The following CDYL variants were observed in gnomAD, a reference collection of about 807,000 sequenced individuals.
CDYL encodes the protein chromodomain Y-like protein.
Under a neutral mutation model 47.3 loss-of-function variants are expected in CDYL, and 8 were observed. The ratio of observed to expected loss-of-function variants is 0.17; its 90% CI spans 0.10 to 0.31. The LOEUF (loss-of-function observed/expected upper bound fraction) is 0.31. Ranked by LOEUF, CDYL falls within the 10% of genes least tolerant of loss-of-function variation. The pLI is 1.00. For synonymous variants in CDYL, 266 were observed against 265.0 expected, an observed-to-expected ratio of 1.00 and a Z score of -0.04; for missense variants, 471 against 701.4, an observed-to-expected ratio of 0.67 and a Z score of 3.71.
intron 1 of CDYL, among the ~76,000 whole-genome samples, chr6:4,710,981 G>T (rs1211366918): frequency 6.6e-6 from 1 of 151,830 alleles, no homozygotes; most frequent in Non-Finnish European, 1.5e-5. Flanking sequence ...ATGTTAATTT[G>T]CTTGACTGTA....
chr6:4,910,617 T>G (rs1028404847), intron 2 of CDYL, among the ~76,000 whole-genome samples: 2 of 152,182 alleles, frequency 1.3e-5, no homozygotes, highest in Non-Finnish European at 2.9e-5. Context: ...CTGAGCAACT[T>G]AAGAGACTGT....
In CDYL at chr6:4,894,876, T is replaced by TGTGTGTGTATATATACACAC. The variant is rs1561692290; in HGVS notation, c.691+2501_691+2502insGTGTATATATACACACGTGT. 2.5e-3 allele frequency among the ~76,000 whole-genome samples: 8 copies of TGTGTGTGTATATATACACAC among 3,256 alleles called. No individual in the cohort carries two copies. The South Asian group carries it at 0.12, about 51-fold the overall frequency. The allele number at this position is 3,256 out of a possible 152,430, so 2.1% of individuals were successfully genotyped here. On this transcript the variant is annotated intron_variant, in intron 2 of 6. Transcript: ENST00000397588. ...GTGTGTATATGTGTATATACACACA[T>TGTGTGTGTATATATACACAC]GTGTATGTGTGTGTATATATACACA...
At chr6:4,902,063 G>A (rs1310306370) in intron 2 of CDYL, among the ~76,000 whole-genome samples, 1 of 152,128 alleles carries the variant, frequency 6.6e-6, no homozygotes, top group Non-Finnish European at 1.5e-5. Context: ...GGAAGGGGAT[G>A]AGAGGATACC....
intron 1 of CDYL, among the ~76,000 whole-genome samples, chr6:4,826,775 A>C (rs960461527): frequency 6.6e-6 from 1 of 152,204 alleles, no homozygotes; most frequent in Non-Finnish European, 1.5e-5. Context: ...CTGTTCTGGA[A>C]AATGATTCAT....
chr6:4,801,583 T>A (rs1759226693), intron 1 of CDYL, among the ~76,000 whole-genome samples: 1 of 152,204 alleles, frequency 6.6e-6, no homozygotes, highest in Non-Finnish European at 1.5e-5. Flanking sequence ...GTAGCTCTCC[T>A]CTGCTCTTAG....
chr6:4,894,951 G>A (rs200187782), intron 2 of CDYL, among the ~76,000 whole-genome samples: 8 of 144,866 alleles, frequency 5.5e-5, no homozygotes, highest in South Asian at 2.1e-4. Context: ...GTGTATGCAT[G>A]TGTATATATA....
chr6:4,788,309 G>A (rs1301347821), intron 1 of CDYL, among the ~76,000 whole-genome samples: 3 of 151,724 alleles, frequency 2.0e-5, no homozygotes, highest in African/African-American at 7.3e-5. Flanking sequence ...GGCCAATATG[G>A]TAAAACCGCG....
intron 1 of CDYL, among the ~76,000 whole-genome samples, chr6:4,829,145 G>T (rs184909037): frequency 5.7e-4 from 86 of 151,920 alleles, no homozygotes; most frequent in African/African-American, 1.9e-3. Flanking sequence ...TGCTTTGTGG[G>T]GTTTTTGTTG....
intron 1 of CDYL, among the ~76,000 whole-genome samples, chr6:4,867,097 A>G (rs1221281083): frequency 6.6e-6 from 1 of 152,080 alleles, no homozygotes; most frequent in African/African-American, 2.4e-5. Context: ...TTTCTCACAG[A>G]TATCTTTTTT....
At chr6:4,765,872 C>A (rs1012360236) in intron 3 of CDYL, among the ~76,000 whole-genome samples, 1 of 151,790 alleles carries the variant, frequency 6.6e-6, no homozygotes, top group Non-Finnish European at 1.5e-5. Flanking sequence ...TGAACAAAGT[C>A]ATCTTAAGAA....
intron 1 of CDYL, among the ~76,000 whole-genome samples, chr6:4,875,961 A>G (rs540122165): frequency 6.6e-6 from 1 of 152,176 alleles, no homozygotes; most frequent in African/African-American, 2.4e-5. Flanking sequence ...TTTTCTTTTT[A>G]TGTAAAATTT....
chr6:4,730,554 A>C (rs9392630), intron 2 of CDYL, among the ~76,000 whole-genome samples: 21,321 of 151,558 alleles, frequency 0.14, 1,938 homozygotes, highest in African/African-American at 0.27. Context: ...CATGCCTATA[A>C]TCCCAGCTAC....
chr6:4,825,678 G>A (rs184871852), intron 1 of CDYL, among the ~76,000 whole-genome samples: 415 of 152,116 alleles, frequency 2.7e-3, no homozygotes, highest in Non-Finnish European at 4.2e-3. Context: ...GTATTCCTGG[G>A]ATAAATCCCA....
At chr6:4,795,053 A>G (rs1484330788) in intron 1 of CDYL, among the ~76,000 whole-genome samples, 2 of 151,872 alleles carry the variant, frequency 1.3e-5, no homozygotes, top group African/African-American at 4.8e-5. Context: ...TGTAAGTTGT[A>G]ACAACAAGCA....
chr6:4,922,950 A>T (rs9405786), intron 2 of CDYL, among the ~76,000 whole-genome samples: 6 of 151,610 alleles, frequency 4.0e-5, no homozygotes, highest in African/African-American at 9.7e-5. Context: ...CCCCCCTTTT[A>T]TTTTTTACTA....
chr6:4,795,640 A>G (rs61229790), intron 1 of CDYL, among the ~76,000 whole-genome samples: 7,354 of 151,624 alleles, frequency 0.049, 248 homozygotes, highest in South Asian at 0.14. Flanking sequence ...TTAAACATCT[A>G]TACTGGCTCT....
At chr6:4,949,682 A>G (rs1295782300) in intron 5 of CDYL, among the ~76,000 whole-genome samples, 2 of 152,340 alleles carry the variant, frequency 1.3e-5, no homozygotes, top group East Asian at 3.9e-4. Context: ...TGAATCGGTT[A>G]TTTGGGTAGA....
chr6:4,927,049 G>A lies in CDYL; in HGVS notation c.692-8466G>A, dbSNP rs141755773. 7.1e-3 allele frequency among the ~76,000 whole-genome samples: 1,080 copies of A among 152,196 alleles called. 9 individuals carry two copies. The highest frequency in any genetic ancestry group is 0.02 in the Middle Eastern group (6 of 294). ...AGAAGCATAATAGCTATATAATATCGTGTCAGGTGCACGTGTGCCATAATT... is the reference window on the plus strand; with the variant it reads ...AGAAGCATAATAGCTATATAATATCATGTCAGGTGCACGTGTGCCATAATT... On this transcript the variant is annotated intron_variant, in intron 2 of 6. Coordinates refer to ENST00000397588, the MANE Select transcript of CDYL (RefSeq NM_004824.4).
At chr6:4,748,082 G>A (rs530095544) in intron 3 of CDYL, among the ~76,000 whole-genome samples, 2 of 152,142 alleles carry the variant, frequency 1.3e-5, no homozygotes, top group Non-Finnish European at 1.5e-5. Context: ...GGAGCTTCTC[G>A]ACACACCAAG....
Sources: gnomAD v4.1 joint callset for allele counts (sites outside exome capture counted in the v4.1 genomes callset) on GRCh38, gnomAD v4.1.1 for gene constraint, MANE v1.5 for transcripts, NCBI Gene and HGNC (gene_info 2026-07-23, HGNC 2026-07-21) for gene names.